PDE10A: variants seen among roughly 807,000 people sequenced by gnomAD.
The protein encoded by PDE10A is phosphodiesterase 10A, also known as cAMP and cAMP-inhibited cGMP 3',5'-cyclic phosphodiesterase 10A.
A neutral mutation model predicts 97.7 loss-of-function variants in PDE10A; 39 were observed. The observed-to-expected ratio is 0.40, with a 90% CI of 0.31 to 0.52. The LOEUF is 0.52. PDE10A is among the 20% of genes least tolerant of loss of function. The pLI is 0.56. For synonymous variants in PDE10A, 371 were observed against 376.8 expected, an observed-to-expected ratio of 0.98 and a Z score of 0.18; for missense variants, 731 against 1,047.8, an observed-to-expected ratio of 0.70 and a Z score of 4.17.
chr6:165,984,272 C>T (rs367907945), intron 1 of PDE10A, among the ~76,000 whole-genome samples: 66 of 152,300 alleles, frequency 4.3e-4, no homozygotes, highest in African/African-American at 1.6e-3. Context: ...CCTCTGTAGA[C>T]TCTTACTACC....
chr6:165,350,549 A>G (rs1782624766), intron 18 of PDE10A, among the ~76,000 whole-genome samples: 1 of 152,096 alleles, frequency 6.6e-6, no homozygotes. Context: ...TAAGAATTTG[A>G]GGGACTGTTG....
At chr6:165,752,929 G>T (rs781463599) in intron 1 of PDE10A, among the ~76,000 whole-genome samples, 1 of 152,272 alleles carries the variant, frequency 6.6e-6, no homozygotes, top group East Asian at 1.9e-4. Flanking sequence ...CTTGTCCTTC[G>T]ATGCTTTTCT....
intron 17 of PDE10A, among the ~76,000 whole-genome samples, chr6:165,386,324 A>G (rs1240770714): frequency 1.3e-5 from 2 of 152,166 alleles, no homozygotes; most frequent in Non-Finnish European, 2.9e-5. Flanking sequence ...CAGGGGCAAT[A>G]AACTTTGCAA....
At chr6:165,579,702 T>C (rs1785505935) in intron 1 of PDE10A, among the ~76,000 whole-genome samples, 1 of 152,184 alleles carries the variant, frequency 6.6e-6, no homozygotes, top group Non-Finnish European at 1.5e-5. Flanking sequence ...GTTGCTGCTC[T>C]ACTAAAAACC....
intron 18 of PDE10A, among the ~76,000 whole-genome samples, chr6:165,371,132 G>A (rs1332961621): frequency 6.6e-6 from 1 of 151,192 alleles, no homozygotes; most frequent in Non-Finnish European, 1.5e-5. Context: ...AAGCAGGAAA[G>A]ATCCAAAATT....
chr6:165,963,812 C>A (rs1195060939), intron 1 of PDE10A, among the ~76,000 whole-genome samples: 1 of 152,206 alleles, frequency 6.6e-6, no homozygotes, highest in Non-Finnish European at 1.5e-5. Context: ...TGTGCCTCCT[C>A]CTCTGAGCTG....
At chr6:165,932,671 C>A (rs1783175118) in intron 1 of PDE10A, among the ~76,000 whole-genome samples, 1 of 152,188 alleles carries the variant, frequency 6.6e-6, no homozygotes, top group Non-Finnish European at 1.5e-5. Context: ...GGTGTTTCAC[C>A]ATGTTGGTCA....
chr6:165,748,304 G>A (rs958627707), intron 1 of PDE10A, among the ~76,000 whole-genome samples: 2 of 152,198 alleles, frequency 1.3e-5, no homozygotes, highest in African/African-American at 4.8e-5. Context: ...CTCTTTCCCT[G>A]AATATAAATA....
chr6:165,643,593 C>A (rs966847566), intron 1 of PDE10A, among the ~76,000 whole-genome samples: 1 of 152,074 alleles, frequency 6.6e-6, no homozygotes, highest in African/African-American at 2.4e-5. Flanking sequence ...ATAAGCCAGG[C>A]ACAGAAAGAC....
chr6:165,710,944 G>A (rs1297194362), intron 1 of PDE10A, among the ~76,000 whole-genome samples: 1 of 152,202 alleles, frequency 6.6e-6, no homozygotes, highest in Non-Finnish European at 1.5e-5. Flanking sequence ...TCCCGGCTAA[G>A]AGCCGTAAGA....
At chr6:165,691,272 C>T (rs1791289937) in intron 1 of PDE10A, among the ~76,000 whole-genome samples, 1 of 145,014 alleles carries the variant, frequency 6.9e-6, no homozygotes, top group Non-Finnish European at 1.5e-5. Flanking sequence ...ACATTTGAGT[C>T]ACTGATGAGC....
chr6:165,526,644 G>A (rs1255349585), intron 2 of PDE10A, among the ~76,000 whole-genome samples: 1 of 152,208 alleles, frequency 6.6e-6, no homozygotes, highest in Admixed American at 6.5e-5. Context: ...GGATCTTGGA[G>A]AATGACAGTG....
chr6:165,552,870 A>T (rs1266069329), intron 1 of PDE10A, among the ~76,000 whole-genome samples: 2 of 152,138 alleles, frequency 1.3e-5, no homozygotes, highest in East Asian at 3.9e-4. Context: ...GTCTTGTATG[A>T]TTTCACAGAA....
intron 18 of PDE10A, among the ~76,000 whole-genome samples, chr6:165,353,744 AG>A (rs1334877252): frequency 2.6e-5 from 4 of 152,198 alleles, no homozygotes; most frequent in Non-Finnish European, 5.9e-5. Context: ...AGGAATGAAT[AG>A]GCTGAGCACA....
At chr6:165,831,881 C>T (rs1301519412) in intron 1 of PDE10A, among the ~76,000 whole-genome samples, 1 of 152,144 alleles carries the variant, frequency 6.6e-6, no homozygotes, top group African/African-American at 2.4e-5. Context: ...TTCTGCCTTT[C>T]TTTTGTGCTT....
intron 2 of PDE10A, among the ~76,000 whole-genome samples, chr6:165,537,048 C>T (rs1166336009): frequency 6.6e-6 from 1 of 151,778 alleles, no homozygotes; most frequent in Non-Finnish European, 1.5e-5. Flanking sequence ...AACCTAAGCA[C>T]CCATTAATGG....
At chr6:165,634,329 G>A (rs934696308) in intron 1 of PDE10A, among the ~76,000 whole-genome samples, 1 of 152,110 alleles carries the variant, frequency 6.6e-6, no homozygotes, top group Non-Finnish European at 1.5e-5. Flanking sequence ...AGAGAACAGG[G>A]CACAGCTGGG....
At chr6:165,601,392 T>C (rs974908416) in intron 1 of PDE10A, among the ~76,000 whole-genome samples, 1 of 152,242 alleles carries the variant, frequency 6.6e-6, no homozygotes, top group Non-Finnish European at 1.5e-5. Flanking sequence ...TTTTACAGTT[T>C]TATATTACAC....
intron 1 of PDE10A, among the ~76,000 whole-genome samples, chr6:165,725,531 C>T (rs983901645): frequency 1.3e-5 from 2 of 152,198 alleles, no homozygotes; most frequent in African/African-American, 4.8e-5. Context: ...GAACTTTTCC[C>T]GTTTCAGTGG....
Sources: allele counts gnomAD v4.1 joint callset (sites outside exome capture counted in the v4.1 genomes callset), GRCh38; gene constraint gnomAD v4.1.1; transcripts MANE v1.5; gene names NCBI Gene and HGNC (gene_info 2026-07-23, HGNC 2026-07-21).